The following COP1 variants were observed in gnomAD, a reference collection of about 807,000 sequenced individuals.
The protein encoded by COP1 is E3 ubiquitin-protein ligase COP1.
A neutral mutation model predicts 101.3 loss-of-function variants in COP1; 24 were observed. The ratio of observed to expected loss-of-function variants is 0.24; its 90% CI spans 0.17 to 0.33. The LOEUF is 0.33. Ranked by LOEUF, COP1 falls within the 10% of genes least tolerant of loss-of-function variation. COP1 has a pLI of 1.00. For synonymous variants in COP1, 347 were observed against 341.9 expected, an observed-to-expected ratio of 1.01 and a Z score of -0.17; for missense variants, 663 against 906.2, an observed-to-expected ratio of 0.73 and a Z score of 3.45.
intron 18 of COP1, among the ~76,000 whole-genome samples, chr1:175,976,135 G>A (rs532652841): frequency 1.3e-5 from 2 of 152,138 alleles, no homozygotes; most frequent in African/African-American, 4.8e-5. Context: ...GTAATAAACA[G>A]GGACTCTTAT....
Position 176,163,861 on chromosome 1 carries a change from C to A in COP1, c.596G>T (p.Arg199Ile), listed in dbSNP as rs746336083. The A allele has an allele frequency of 1.2e-6, 2 of 1,608,730 alleles. No homozygotes were observed. The highest frequency in any genetic ancestry group is 1.7e-6 in the Non-Finnish European group (2 of 1,176,674). Reference protein sequence around the residue: ...VNELILKQKQRFEEKRFKLDH... With the variant: ...VNELILKQKQIFEEKRFKLDH... ...CAATTTGAACCTCTTTTCCTCAAAT[C>A]TTTGCTTCTGTTTAAGAATGAGTTC... Residue 199 changes from arginine to isoleucine, a missense_variant, in exon 4 of 20, where the codon AGA (arginine) becomes ATA (isoleucine). This residue lies in a region of COP1 where 212 missense variants were observed against 240.7 expected (regional missense o/e 0.88). Coordinates refer to ENST00000367669, the MANE Select transcript of COP1 (RefSeq NM_022457.7).
intron 18 of COP1, among the ~76,000 whole-genome samples, chr1:175,963,076 G>GA (rs879746979): frequency 0.019 from 2,795 of 145,760 alleles, 41 homozygotes; most frequent in Admixed American, 0.046. Context: ...ACTGAACACA[G>GA]AAAAAAAAAA....
At chr1:176,099,729 C>G (rs907522236) in intron 9 of COP1, among the ~76,000 whole-genome samples, 1 of 152,150 alleles carries the variant, frequency 6.6e-6, no homozygotes, top group African/African-American at 2.4e-5. Flanking sequence ...ACTTGCAGAG[C>G]CAATAAAAGC....
chr1:176,170,914 A>G (rs1695945574), intron 3 of COP1, among the ~76,000 whole-genome samples: 1 of 152,088 alleles, frequency 6.6e-6, no homozygotes, highest in Non-Finnish European at 1.5e-5. Flanking sequence ...TCACGAGGTC[A>G]GGAGATCAAG....
intron 18 of COP1, among the ~76,000 whole-genome samples, chr1:175,961,270 G>C (rs543232802): frequency 3.8e-4 from 58 of 152,242 alleles, no homozygotes; most frequent in Non-Finnish European, 6.6e-4. Context: ...TGTCCCTTTG[G>C]AGAACCCTGA....
chr1:176,135,838 T>C lies in COP1; in HGVS notation c.891+650A>G, dbSNP rs182835202. On this transcript the variant is annotated intron_variant, in intron 7 of 19. Coordinates refer to ENST00000367669, the MANE Select transcript of COP1 (RefSeq NM_022457.7). ...CATACAGTCAGGTAAGTGACATAAA[T>C]GTGTAACAACTTAAGAATGCTACAG... is the stretch of plus-strand genomic sequence containing the variant. Among the ~76,000 whole-genome samples the C allele has an allele frequency of 1.3e-3, 199 of 152,194 alleles. 2 individuals are homozygous for C. The highest frequency in any genetic ancestry group is 4.5e-3 in the African/African-American group (185 of 41,562).
At chr1:176,168,957 C>G (rs1695613649) in intron 3 of COP1, among the ~76,000 whole-genome samples, 1 of 152,086 alleles carries the variant, frequency 6.6e-6, no homozygotes, top group Non-Finnish European at 1.5e-5. Flanking sequence ...TATTTGGTTT[C>G]CAACTCTTTC....
At chr1:176,043,124 A>G in intron 14 of COP1, 62 bp downstream of exon 14, 1 of 941,282 alleles carries the variant, frequency 1.1e-6, no homozygotes, top group Non-Finnish European at 1.7e-6. Context: ...CTGCCGATGA[A>G]AGGAATTACA....
chr1:176,206,686 C>T lies in COP1; in HGVS notation c.293G>A (p.Gly98Asp). 1 of 1,607,532 alleles carries T rather than the reference C, an allele frequency of 6.2e-7. No individual in the cohort carries two copies. The change falls in exon 1 of 20, where the codon GGC becomes GAC. Residue 98 changes from glycine to aspartate, a missense_variant. Physicochemically the swap from Gly to Asp is moderately conservative, Grantham distance 94 (BLOSUM62 -1). Coordinates refer to ENST00000367669, the MANE Select transcript of COP1 (RefSeq NM_022457.7). Reference sequence around the variant, plus strand: ...TAGGCTGGAGCTGCTGCCTCCTACGCCGGCGCTGGGCCTGGCCGCGCAGCT... The same window carrying T: ...TAGGCTGGAGCTGCTGCCTCCTACGTCGGCGCTGGGCCTGGCCGCGCAGCT... ...RHSCAARPSA[G>D]VGGSSSSLGS... is the part of the protein sequence containing the mutation.
In COP1 at chr1:176,057,746, C is replaced by A. The variant is rs570120906; in HGVS notation, c.1278-11422G>T. 6.2e-3 allele frequency among the ~76,000 whole-genome samples: 938 copies of A among 151,264 alleles called. 14 individuals carry two copies. The highest frequency in any genetic ancestry group is 0.021 in the African/African-American group (886 of 41,512). On this transcript the variant is annotated intron_variant, in intron 11 of 19. Coordinates refer to ENST00000367669, the MANE Select transcript of COP1 (RefSeq NM_022457.7). ...AAAGTGCCGAGATTGCAGCCTCTGCCCGGCTGCCACCCCATCTGGGAAGTG... is the reference window on the plus strand; with the variant it reads ...AAAGTGCCGAGATTGCAGCCTCTGCACGGCTGCCACCCCATCTGGGAAGTG...
At chr1:175,955,466 C>G (rs1167127137) in intron 18 of COP1, among the ~76,000 whole-genome samples, 2 of 151,890 alleles carry the variant, frequency 1.3e-5, no homozygotes, top group East Asian at 3.9e-4. Context: ...CATTTGTATT[C>G]AACACTGTAT....
At chr1:176,072,580 A>G (rs1677192460) in intron 11 of COP1, among the ~76,000 whole-genome samples, 1 of 152,218 alleles carries the variant, frequency 6.6e-6, no homozygotes, top group African/African-American at 2.4e-5. Context: ...GGGAAAGTAC[A>G]TTGGCAGTCT....
chr1:176,052,777 G>A (rs142925110), intron 11 of COP1, among the ~76,000 whole-genome samples: 13 of 152,108 alleles, frequency 8.5e-5, no homozygotes, highest in East Asian at 5.8e-4. Context: ...ACGCATACAC[G>A]TATTTGGTTT....
chr1:176,143,126 G>GAGAGAGAGAGAA, intron 6 of COP1, among the ~76,000 whole-genome samples: 1 of 147,322 alleles, frequency 6.8e-6, no homozygotes. Context: ...GAACAAGCGA[G>GAGAGAGAGAGAA]AGAGAGAGAG....
intron 9 of COP1, among the ~76,000 whole-genome samples, chr1:176,106,019 G>GT (rs1279125359): frequency 6.6e-6 from 1 of 151,618 alleles, no homozygotes; most frequent in Non-Finnish European, 1.5e-5. Flanking sequence ...TTACAGGTTT[G>GT]TTTTGTTTTT....
intron 12 of COP1, 126 bp from the exon 13 acceptor site, chr1:176,043,944 T>C (rs76788918): frequency 3.0e-4 from 193 of 634,386 alleles, no homozygotes; most frequent in Non-Finnish European, 5.0e-4. Context: ...ACAATCATTA[T>C]TCTGCCCACA....
At chr1:176,120,848 G>T (rs1425821631) in intron 8 of COP1, among the ~76,000 whole-genome samples, 1 of 152,052 alleles carries the variant, frequency 6.6e-6, no homozygotes, top group Middle Eastern at 3.2e-3. Context: ...TATTGAAAAA[G>T]AATGGTTTAA....
At chr1:175,963,358 G>A (rs1266232519) in intron 18 of COP1, among the ~76,000 whole-genome samples, 1 of 151,984 alleles carries the variant, frequency 6.6e-6, no homozygotes, top group Non-Finnish European at 1.5e-5. Flanking sequence ...TTTATTAGAA[G>A]TTTCTTAAAC....
At position 176,027,453 on chromosome 1, in the gene COP1, C is replaced by A. The variant is rs892436999; in HGVS notation, c.1729+119G>T. 1.1e-4 allele frequency: 78 copies of A among 695,436 alleles called. No individual in the cohort carries two copies. In the Admixed American group the frequency reaches 1.6e-3, roughly 14 times the overall value. The allele number at this position is 695,436 out of a possible 1,614,324, so 43.1% of individuals were successfully genotyped here. On this transcript the variant is annotated intron_variant, in intron 15 of 19. Coordinates refer to ENST00000367669, the MANE Select transcript of COP1 (RefSeq NM_022457.7). ...ATACTGTATACTTCTAATTTAGAGCCTAATAATAAAAACAACATTTAAACC... is the reference window on the plus strand; with the variant it reads ...ATACTGTATACTTCTAATTTAGAGCATAATAATAAAAACAACATTTAAACC...
Sources: gnomAD v4.1 joint callset for allele counts (sites outside exome capture counted in the v4.1 genomes callset) on GRCh38, gnomAD v4.1.1 for gene constraint, gnomAD v4.1.1 regional missense constraint, MANE v1.5 for transcripts, NCBI Gene and HGNC (gene_info 2026-07-23, HGNC 2026-07-21) for gene names.